Variants in DIAPH2 observed in about 807,000 individuals in gnomAD.
The protein encoded by DIAPH2 is diaphanous related formin 2.
A neutral mutation model predicts 92.7 loss-of-function variants in DIAPH2; 35 were observed. The observed-to-expected ratio is 0.38, with a 90% CI of 0.29 to 0.50. The LOEUF is 0.50. DIAPH2 is among the 20% of genes least tolerant of loss of function. The probability of loss-of-function intolerance (pLI) is 0.94; values close to 1 mark genes in which losing one functional copy is unlikely to be tolerated. For synonymous variants in DIAPH2, 301 were observed against 280.4 expected (o/e 1.07, Z -0.73); for missense variants, 701 against 819.5 (o/e 0.86, Z 1.77).
At chrX:97,395,339 A>C (rs1227800953) in intron 25 of DIAPH2, among the ~76,000 whole-genome samples, 1 of 111,597 alleles carries the variant, frequency 9.0e-6, no homozygotes, top group Non-Finnish European at 1.9e-5. Context: ...CCGCCCACAA[A>C]AAAATTTTGG....
rs766131265 is a variant in DIAPH2 at position 97,248,872 on chromosome X, G to A, written c.2844+1033G>A. 5.4e-5 allele frequency among the ~76,000 whole-genome samples: 6 copies of A among 111,596 alleles called. No homozygotes were observed. The South Asian group carries it at 2.2e-3, about 42-fold the overall frequency. ...GTTAAAAAAAATTTTAACTCTCAGTGTTTTGGTTCATTAATGAATACTGTG... is the reference window on the plus strand; with the variant it reads ...GTTAAAAAAAATTTTAACTCTCAGTATTTTGGTTCATTAATGAATACTGTG... On this transcript the variant is annotated intron_variant, in intron 23 of 26. Transcript: ENST00000324765.
At position 97,330,087 on chromosome X, in the gene DIAPH2, G is replaced by GTGTC. The variant is rs1489484208; in HGVS notation, c.2845-18026_2845-18025insCTGT. Reference sequence around the variant, plus strand: ...AAATAAAAATTTAGATTTGGTGTTTGTGTGTGTGTGTGTGTGTGTGTGTGT... The same window carrying GTGTC: ...AAATAAAAATTTAGATTTGGTGTTTGTGTCTGTGTGTGTGTGTGTGTGTGTGTGT... On this transcript the variant is annotated intron_variant, in intron 23 of 26. Transcript: ENST00000324765. Among the ~76,000 whole-genome samples the GTGTC allele has an allele frequency of 4.9e-4, 51 of 104,596 alleles. 1 individual carries two copies. The highest frequency in any genetic ancestry group is 7.9e-5 in the Non-Finnish European group (4 of 50,896). 90.8% of individuals were successfully genotyped at this position (104,596 alleles called of 115,157 possible). A position where few individuals can be genotyped will look rare whatever the true frequency, so the allele number is the denominator to read the frequency against.
chrX:96,986,234 G>T (rs1183968555), intron 17 of DIAPH2, among the ~76,000 whole-genome samples: 1 of 110,548 alleles, frequency 9.0e-6, no homozygotes, highest in African/African-American at 3.3e-5. Flanking sequence ...CTAATTTTTT[G>T]CACTTTCCAG....
intron 26 of DIAPH2, among the ~76,000 whole-genome samples, chrX:97,597,732 A>ATAAG (rs2071563335): frequency 9.0e-6 from 1 of 111,177 alleles, no homozygotes; most frequent in Admixed American, 9.5e-5. Context: ...CATCTAAGTA[A>ATAAG]TAAGTCCTTT....
At chrX:96,733,853 A>T (rs2147564240) in intron 1 of DIAPH2, among the ~76,000 whole-genome samples, 1 of 111,963 alleles carries the variant, frequency 8.9e-6, no homozygotes, top group South Asian at 3.8e-4. Context: ...TCTTAAACCT[A>T]GACAAGTGGA....
At chrX:96,962,389 A>G (rs2065862718) in intron 16 of DIAPH2, among the ~76,000 whole-genome samples, 1 of 72,412 alleles carries the variant, frequency 1.4e-5, no homozygotes, top group Non-Finnish European at 2.5e-5. Context: ...ACACATATAT[A>G]TACACATATA....
intron 4 of DIAPH2, among the ~76,000 whole-genome samples, chrX:96,841,373 A>G (rs1342839166): frequency 2.7e-5 from 3 of 111,838 alleles, no homozygotes; most frequent in Admixed American, 9.5e-5. Flanking sequence ...ACTGTGTTCA[A>G]TTTGTTCACA....
chrX:97,552,493 C>A (rs1357843979), intron 26 of DIAPH2, among the ~76,000 whole-genome samples: 1 of 111,278 alleles, frequency 9.0e-6, no homozygotes, highest in Admixed American at 9.5e-5. Flanking sequence ...GGAATCAACA[C>A]CTCAAAATTC....
At chrX:96,895,418 G>C (rs2065338598) in intron 5 of DIAPH2, among the ~76,000 whole-genome samples, 1 of 111,829 alleles carries the variant, frequency 8.9e-6, no homozygotes, top group South Asian at 3.7e-4. Flanking sequence ...CATTATGCTG[G>C]ACACATACTG....
chrX:97,094,397 G>A (rs975502267), intron 19 of DIAPH2, among the ~76,000 whole-genome samples: 1 of 111,758 alleles, frequency 8.9e-6, no homozygotes, highest in East Asian at 2.8e-4. Context: ...TTAAATCCCC[G>A]ATTATTTCTA....
In DIAPH2 at chrX:97,602,005, A is replaced by T. The variant is rs1379750459; in HGVS notation, c.*2688A>T. 9.0e-6 allele frequency: 1 copy of T among 111,611 alleles called. No homozygotes were observed. The highest frequency in any genetic ancestry group is 3.3e-5 in the African/African-American group (1 of 30,644). The allele number at this position is 111,611 out of a possible 1,213,427, so 9.2% of individuals were successfully genotyped here. A position where few individuals can be genotyped will look rare whatever the true frequency, so the allele number is the denominator to read the frequency against. ...CTGCCTCTGCCTCTGTTTAATAAGG[A>T]TCCTTATGATGACTTTTAGGGACTA... On this transcript the variant is annotated 3_prime_UTR_variant, in exon 27 of 27. Coordinates refer to ENST00000324765, the MANE Select transcript of DIAPH2 (RefSeq NM_006729.5).
At chrX:97,475,995 T>C (rs762146810) in intron 26 of DIAPH2, among the ~76,000 whole-genome samples, 4 of 111,608 alleles carry the variant, frequency 3.6e-5, no homozygotes, top group Non-Finnish European at 5.6e-5. Context: ...ATATTATATG[T>C]AAAATTTAGT....
chrX:97,435,719 G>A (rs2070176446), intron 26 of DIAPH2, among the ~76,000 whole-genome samples: 1 of 110,889 alleles, frequency 9.0e-6, no homozygotes. Flanking sequence ...CTGTGTAATT[G>A]TAAGATCAAA....
At chrX:97,144,226 G>A (rs1405478936) in intron 22 of DIAPH2, among the ~76,000 whole-genome samples, 1 of 110,824 alleles carries the variant, frequency 9.0e-6, no homozygotes, top group Admixed American at 9.7e-5. Context: ...CTACTTGCAG[G>A]GGCTGAGGCA....
intron 4 of DIAPH2, among the ~76,000 whole-genome samples, chrX:96,772,854 G>A (rs1395124083): frequency 8.9e-6 from 1 of 112,662 alleles, no homozygotes; most frequent in African/African-American, 3.2e-5. Flanking sequence ...ATAACTGCTT[G>A]TGCAATGTAA....
intron 26 of DIAPH2, among the ~76,000 whole-genome samples, chrX:97,470,693 G>GA (rs199544991): frequency 0.023 from 2,009 of 89,255 alleles, 41 homozygotes; most frequent in African/African-American, 0.067. Context: ...ACTGTGTTAA[G>GA]AAAAAAAAAA....
At chrX:97,300,957 AAAAAAAAAG>A (rs1217351775) in intron 23 of DIAPH2, among the ~76,000 whole-genome samples, 125 of 62,219 alleles carry the variant, frequency 2.0e-3, no homozygotes, top group Non-Finnish European at 2.4e-3. Flanking sequence ...AAAAAAAAAA[AAAAAAAAAG>A]AAGAAGAAGA....
rs189115315 is a variant in DIAPH2, at chrX:97,395,354, A to G, written c.3145+11310A>G. On this transcript the variant is annotated intron_variant, in intron 25 of 26. Transcript: ENST00000324765. ...CCGCCCACAAAAAAATTTTGGCTTT[A>G]CATGTTACACAGGTGAAAATGTGCA... 4.5e-5 allele frequency among the ~76,000 whole-genome samples: 5 copies of G among 111,819 alleles called. No homozygotes were observed. In the East Asian group the frequency reaches 1.4e-3, roughly 31 times the overall value.
intron 25 of DIAPH2, among the ~76,000 whole-genome samples, chrX:97,417,400 A>ACT (rs1491129463): frequency 9.4e-6 from 1 of 106,704 alleles, no homozygotes; most frequent in Non-Finnish European, 1.9e-5. Flanking sequence ...ACACACACAT[A>ACT]CACACACACA....
Sources: allele counts gnomAD v4.1 joint callset (sites outside exome capture counted in the v4.1 genomes callset), GRCh38; gene constraint gnomAD v4.1.1; transcripts MANE v1.5; gene names NCBI Gene and HGNC (gene_info 2026-07-23, HGNC 2026-07-21).